The following ADGRF1 variants were observed in gnomAD, a reference collection of about 807,000 sequenced individuals.
ADGRF1 encodes adhesion G protein-coupled receptor F1.
A neutral mutation model predicts 87.2 loss-of-function variants in ADGRF1; 85 were observed. The ratio of observed to expected loss-of-function variants is 0.97; its 90% confidence interval spans 0.82 to 1.17. ADGRF1 has a LOEUF of 1.17. Ranked by LOEUF, ADGRF1 falls within the 50% of genes most tolerant of loss-of-function variation. ADGRF1 has a pLI of 0.00. For missense variants in ADGRF1, 1,169 were observed against 1,077.2 expected, an observed-to-expected ratio of 1.09 and a Z score of -1.19; for synonymous variants, 430 against 408.8, an observed-to-expected ratio of 1.05 and a Z score of -0.63.
chr6:47,019,078 C>T (rs1056912349), intron 7 of ADGRF1: 1 of 180,818 alleles, frequency 5.5e-6, no homozygotes, highest in Non-Finnish European at 1.1e-5. Flanking sequence ...CATATTGAAA[C>T]AAAATGAAAC....
chr6:47,005,605 A>G (rs1382680190), intron 13 of ADGRF1, among the ~76,000 whole-genome samples: 1 of 152,190 alleles, frequency 6.6e-6, no homozygotes, highest in Non-Finnish European at 1.5e-5. Flanking sequence ...GTAAGTTTCC[A>G]TGACTTCACA....
chr6:47,027,443 T>C (rs1417959671), intron 3 of ADGRF1, among the ~76,000 whole-genome samples: 1 of 152,226 alleles, frequency 6.6e-6, no homozygotes, highest in Admixed American at 6.5e-5. Context: ...TTAATTACAT[T>C]GTTAGAATCA....
intron 10 of ADGRF1, among the ~76,000 whole-genome samples, chr6:47,011,176 T>A (rs1395930596): frequency 6.6e-6 from 1 of 152,246 alleles, no homozygotes; most frequent in African/African-American, 2.4e-5. Flanking sequence ...TTTGTTTCAG[T>A]TGGTCTCTTG....
intron 13 of ADGRF1, 30 bp from the exon 14 acceptor site, chr6:47,001,597 C>T (rs1171412824): frequency 6.5e-7 from 1 of 1,548,140 alleles, no homozygotes; most frequent in Admixed American, 1.7e-5. Flanking sequence ...GTCATTTGGA[C>T]ATTAATAGCA....
intron 1 of ADGRF1, among the ~76,000 whole-genome samples, chr6:47,030,147 A>G (rs770704961): frequency 6.6e-6 from 1 of 152,108 alleles, no homozygotes; most frequent in Non-Finnish European, 1.5e-5. Flanking sequence ...GTGCCACCCC[A>G]CACTGCCCTC....
In ADGRF1 at chr6:47,008,959, G is replaced by C; in HGVS notation, c.2476C>G (p.Leu826Val). The C allele has an allele frequency of 6.2e-7, 1 of 1,600,240 alleles. No individual in the cohort carries two copies. Among genetic ancestry groups the C allele is most frequent in the Non-Finnish European group, 8.5e-7 (1 of 1,171,036 alleles). Residue 826 changes from leucine (L) to valine (V), a missense_variant, in exon 11 of 15, where the codon CTC (leucine) becomes GTC (valine). By Grantham distance (32) the Leu-to-Val change is conservative. Transcript: ENST00000371253. ...ACTGTTCTCACCTGGAATGCATTGA[G>C]TAAAGCAAAAATAACATGCCAAGCC... Reference protein sequence around the residue: ...NLAWHVIFALLNAFQGFFILC... With the variant: ...NLAWHVIFALVNAFQGFFILC...
intron 14 of ADGRF1, among the ~76,000 whole-genome samples, chr6:47,000,640 T>TA (rs1779336868): frequency 6.6e-6 from 1 of 152,126 alleles, no homozygotes; most frequent in Non-Finnish European, 1.5e-5. Flanking sequence ...CCCCAAAAGG[T>TA]AGAGACTTGT....
chr6:47,020,027 A>G lies in ADGRF1; in HGVS notation c.611+704T>C, dbSNP rs556733490. 536 of 992,256 alleles carry G rather than the reference A, an allele frequency of 5.4e-4. 2 individuals are homozygous for G. In the African/African-American group the frequency reaches 7.3e-3, roughly 14 times the overall value. 61.5% of individuals were successfully genotyped at this position (992,256 alleles called of 1,614,324 possible). A position where few individuals can be genotyped will look rare whatever the true frequency, so the allele number is the denominator to read the frequency against. ...AATTATGAGGCATCATATCTCCTGTAGTTGCTGAAGGAGAAAATCCACCCT... is the reference window on the plus strand; with the variant it reads ...AATTATGAGGCATCATATCTCCTGTGGTTGCTGAAGGAGAAAATCCACCCT... On this transcript the variant is annotated intron_variant, in intron 7 of 14. Transcript: ENST00000371253.
At chr6:47,017,684 C>G (rs1352363237) in intron 7 of ADGRF1, 1 of 142,878 alleles carries the variant, frequency 7.0e-6, no homozygotes, top group Non-Finnish European at 1.5e-5. Flanking sequence ...TGAAAGACGC[C>G]GAACATGCAA....
intron 9 of ADGRF1, chr6:47,012,597 A>T: frequency 1.1e-6 from 1 of 902,314 alleles, no homozygotes; most frequent in Non-Finnish European, 1.3e-6. Flanking sequence ...AATGAGATTT[A>T]ATGACCTTCC....
At chr6:47,025,544 G>C (rs371718604) in intron 4 of ADGRF1, among the ~76,000 whole-genome samples, 27 of 152,304 alleles carry the variant, frequency 1.8e-4, no homozygotes, top group African/African-American at 6.3e-4. Context: ...GTTGTTGGCA[G>C]AGTTACTGCG....
chr6:47,025,051 C>G (rs776267478), intron 4 of ADGRF1, among the ~76,000 whole-genome samples: 3 of 152,218 alleles, frequency 2.0e-5, no homozygotes, highest in Non-Finnish European at 2.9e-5. Context: ...GGCAGAGAAA[C>G]ATTTTTGGGG....
intron 12 of ADGRF1, among the ~76,000 whole-genome samples, chr6:47,006,497 T>C (rs1779535125): frequency 6.6e-6 from 1 of 152,142 alleles, no homozygotes; most frequent in Non-Finnish European, 1.5e-5. Flanking sequence ...TATTTATTTA[T>C]TTTTCTTCAA....
Position 47,013,124 on chromosome 6 carries a change from C to A in ADGRF1, c.928-929G>T, listed in dbSNP as rs116707350. 1,218 of 985,450 alleles carry A rather than the reference C, an allele frequency of 1.2e-3. 13 individuals carry two copies. In the African/African-American group the frequency reaches 0.02, roughly 16 times the overall value. 61.0% of individuals were successfully genotyped at this position (985,450 alleles called of 1,614,324 possible). ...GAGGCTCCCATCTACTTTTACTACA[C>A]CAGGCTAACTTGGAAAGCAGCAAAG... On this transcript the variant is annotated intron_variant, in intron 9 of 14. Coordinates refer to ENST00000371253, the MANE Select transcript of ADGRF1 (RefSeq NM_153840.4).
At chr6:47,030,017 T>C (rs1780363258) in intron 1 of ADGRF1, among the ~76,000 whole-genome samples, 1 of 152,228 alleles carries the variant, frequency 6.6e-6, no homozygotes, top group Admixed American at 6.5e-5. Flanking sequence ...TCAAGAGTCC[T>C]CCAGTGGAAT....
chr6:47,023,687 T>C (rs80037132), intron 5 of ADGRF1, among the ~76,000 whole-genome samples: 200 of 152,336 alleles, frequency 1.3e-3, no homozygotes, highest in African/African-American at 4.6e-3. Flanking sequence ...TTCTTGAAAT[T>C]GATGTTGGCA....
At chr6:47,003,403 A>G (rs571877903) in intron 13 of ADGRF1, among the ~76,000 whole-genome samples, 4 of 152,326 alleles carry the variant, frequency 2.6e-5, no homozygotes, top group Non-Finnish European at 5.9e-5. Flanking sequence ...TATATTCTGT[A>G]GAAAATTCCC....
chr6:46,998,541 T>A lies in ADGRF1; in HGVS notation c.*1681A>T, dbSNP rs1307743747. Reference sequence around the variant, plus strand: ...ATACAGGCTATTCTCAACACAGAACTCATTCAGGGCTCTACTACCGGAGCT... The same window carrying A: ...ATACAGGCTATTCTCAACACAGAACACATTCAGGGCTCTACTACCGGAGCT... On this transcript the variant is annotated 3_prime_UTR_variant, in exon 15 of 15. Transcript: ENST00000371253. 6.6e-6 allele frequency: 1 copy of A among 152,234 alleles called. No homozygotes were observed. The highest frequency in any genetic ancestry group is 2.4e-5 in the African/African-American group (1 of 41,436). The allele number at this position is 152,234 out of a possible 1,614,324, so 9.4% of individuals were successfully genotyped here.
chr6:47,008,373 C>A (rs961144171), intron 11 of ADGRF1, among the ~76,000 whole-genome samples: 2 of 152,206 alleles, frequency 1.3e-5, no homozygotes, highest in Non-Finnish European at 2.9e-5. Flanking sequence ...CAAACTTTTT[C>A]TGTGATGAGC....
Sources: allele counts gnomAD v4.1 joint callset (sites outside exome capture counted in the v4.1 genomes callset), GRCh38; gene constraint gnomAD v4.1.1; transcripts MANE v1.5; gene names NCBI Gene and HGNC (gene_info 2026-07-23, HGNC 2026-07-21).